The following AGO3 variants were observed in gnomAD, a reference collection of about 807,000 sequenced individuals.
AGO3 encodes the protein protein argonaute-3.
In AGO3, 16 loss-of-function variants were observed where a neutral mutation model predicts 105.5. The ratio of observed to expected loss-of-function variants is 0.15; its 90% CI spans 0.10 to 0.23. The LOEUF is 0.23. Among genes scored for constraint, AGO3 ranks in the 10% least tolerant of loss-of-function variants. The pLI, the probability that AGO3 is intolerant of heterozygous loss-of-function variation, is 1.00. For synonymous variants in AGO3, 340 were observed against 367.3 expected (o/e 0.93, Z 0.85); for missense variants, 534 against 1,088.0 (o/e 0.49, Z 7.16).
At chr1:36,004,222 A>G in intron 5 of AGO3, 119 bp from the exon 6 acceptor site, 1 of 1,091,152 alleles carries the variant, frequency 9.2e-7, no homozygotes, top group Non-Finnish European at 1.3e-6. Context: ...ATTTGTATGT[A>G]CATAAATGTG....
At position 36,060,373 on chromosome 1, in the gene AGO3, A is replaced by C. The variant is rs752944662; in HGVS notation, c.*4628A>C. 2 of 152,224 alleles carry C rather than the reference A, an allele frequency of 1.3e-5. No homozygotes were observed. The highest frequency in any genetic ancestry group is 2.9e-5 in the Non-Finnish European group (2 of 68,030). The allele number at this position is 152,224 out of a possible 1,614,324, so 9.4% of individuals were successfully genotyped here. ...GGCAGCGGATCTCTGTGTTCAAGGA[A>C]AGGGTGAGCGCTAAGCATGCCAGTG... On this transcript the variant is annotated 3_prime_UTR_variant, in exon 19 of 19. Coordinates refer to ENST00000373191, the MANE Select transcript of AGO3 (RefSeq NM_024852.4).
intron 1 of AGO3, 86 bp from the exon 2 acceptor site, chr1:35,945,606 C>A: frequency 7.3e-7 from 1 of 1,369,166 alleles, no homozygotes; most frequent in Non-Finnish European, 1.0e-6. Flanking sequence ...ATCAGCTGTA[C>A]TTATAATTCT....
chr1:35,963,672 TA>T (rs900249936), intron 2 of AGO3, among the ~76,000 whole-genome samples: 10 of 146,158 alleles, frequency 6.8e-5, no homozygotes, highest in Admixed American at 4.8e-4. Context: ...TGGGTTGGAG[TA>T]AAAAAAAAAC....
At chr1:36,003,293 C>T (rs1220607887) in intron 5 of AGO3, among the ~76,000 whole-genome samples, 4 of 151,990 alleles carry the variant, frequency 2.6e-5, no homozygotes, top group Admixed American at 6.6e-5. Context: ...ATCTGCTAAC[C>T]ATTGGTGAAA....
intron 5 of AGO3, among the ~76,000 whole-genome samples, chr1:35,992,587 G>A (rs184187607): frequency 1.5e-4 from 23 of 152,226 alleles, no homozygotes; most frequent in Admixed American, 4.6e-4. Flanking sequence ...GATGCTCATT[G>A]TTAATCTGCC....
intron 5 of AGO3, among the ~76,000 whole-genome samples, chr1:35,981,970 G>A (rs536698123): frequency 6.6e-6 from 1 of 152,022 alleles, no homozygotes; most frequent in Non-Finnish European, 1.5e-5. Context: ...GCATTTTTAG[G>A]TTTTTATTAT....
intron 2 of AGO3, among the ~76,000 whole-genome samples, chr1:35,954,780 C>A (rs888101523): frequency 1.3e-5 from 2 of 152,152 alleles, no homozygotes; most frequent in African/African-American, 4.8e-5. Flanking sequence ...GTAATGATTC[C>A]TGCCTTTGGG....
chr1:35,963,736 C>T (rs983351173), intron 2 of AGO3, among the ~76,000 whole-genome samples: 5 of 151,996 alleles, frequency 3.3e-5, no homozygotes, highest in Non-Finnish European at 5.9e-5. Flanking sequence ...GGACATGAGG[C>T]TTTTCTTTAG....
At chr1:36,047,191 C>T (rs1024307463) in intron 17 of AGO3, among the ~76,000 whole-genome samples, 22 of 151,532 alleles carry the variant, frequency 1.5e-4, no homozygotes, top group Admixed American at 2.6e-4. Flanking sequence ...TGCAGTGAGC[C>T]GAGATCACGC....
At chr1:36,015,242 G>C (rs1402088905) in intron 11 of AGO3, among the ~76,000 whole-genome samples, 4 of 152,156 alleles carry the variant, frequency 2.6e-5, no homozygotes, top group African/African-American at 9.7e-5. Context: ...TATTATAAAA[G>C]ATATTCCAAA....
At position 36,013,733 on chromosome 1, in the gene AGO3, T is replaced by C. The variant is rs1640736388; in HGVS notation, c.1253T>C (p.Met418Thr). The change falls in exon 10 of 19, where the codon ATG becomes ACG. Residue 418 changes from methionine to threonine, a missense_variant. Coordinates refer to ENST00000373191, the MANE Select transcript of AGO3 (RefSeq NM_024852.4). ...ACTGGACGCGTACTTCCAGCACCTATGCTCCAGTATGGAGGACGGGTAAAG... is the reference window on the plus strand; with the variant it reads ...ACTGGACGCGTACTTCCAGCACCTACGCTCCAGTATGGAGGACGGGTAAAG... ...HVTGRVLPAPMLQYGGRNRTV... is the reference protein window; with the variant it reads ...HVTGRVLPAPTLQYGGRNRTV... 2 of 1,614,170 alleles carry C rather than the reference T, an allele frequency of 1.2e-6. No individual in the cohort carries two copies. The highest frequency in any genetic ancestry group is 1.7e-6 in the Non-Finnish European group (2 of 1,179,988).
At chr1:35,932,071 A>G (rs1388500844) in intron 1 of AGO3, among the ~76,000 whole-genome samples, 3 of 152,208 alleles carry the variant, frequency 2.0e-5, no homozygotes, top group African/African-American at 4.8e-5. Context: ...TTCATTCTCT[A>G]TTCCTTAGAG....
At chr1:35,982,904 C>T in intron 5 of AGO3, 1 of 391,092 alleles carries the variant, frequency 2.6e-6, no homozygotes, top group Non-Finnish European at 4.6e-6. Flanking sequence ...ACAAGCCTGG[C>T]ATATCAGTCA....
chr1:36,030,924 T>C (rs982202238), intron 12 of AGO3, among the ~76,000 whole-genome samples: 2 of 152,252 alleles, frequency 1.3e-5, no homozygotes, highest in African/African-American at 4.8e-5. Flanking sequence ...TACTTTTAGG[T>C]AACATTATAC....
At chr1:36,037,620 T>G (rs1331610566) in intron 14 of AGO3, among the ~76,000 whole-genome samples, 1 of 152,220 alleles carries the variant, frequency 6.6e-6, no homozygotes, top group Non-Finnish European at 1.5e-5. Context: ...TCCCTGAAAA[T>G]GATAGTAATA....
At position 35,931,309 on chromosome 1, in the gene AGO3, C is replaced by T. The variant is rs1286603139; in HGVS notation, c.-118C>T. 2.1e-6 allele frequency: 2 copies of T among 965,548 alleles called. No homozygotes were observed. Among genetic ancestry groups the T allele is most frequent in the East Asian group, 3.3e-5 (1 of 30,414 alleles). 59.8% of individuals were successfully genotyped at this position (965,548 alleles called of 1,614,324 possible). On this transcript the variant is annotated 5_prime_UTR_variant, in exon 1 of 19. Transcript: ENST00000373191. ...TGCTCAGGGGAAGCCGTCGCCGCCC[C>T]CGCCTCGGGGCCGAGTGAGAGTGCC...
intron 3 of AGO3, among the ~76,000 whole-genome samples, chr1:35,968,344 T>G (rs1292096318): frequency 6.6e-6 from 1 of 152,174 alleles, no homozygotes; most frequent in Non-Finnish European, 1.5e-5. Context: ...TTAAGCACAT[T>G]TACATTGTTA....
At chr1:35,964,231 A>C (rs553235398) in intron 2 of AGO3, among the ~76,000 whole-genome samples, 2 of 152,076 alleles carry the variant, frequency 1.3e-5, no homozygotes, top group South Asian at 2.1e-4. Context: ...CCAGGTATTA[A>C]GCCTAGTACC....
At chr1:36,051,525 G>A (rs892366131) in intron 17 of AGO3, among the ~76,000 whole-genome samples, 2 of 152,002 alleles carry the variant, frequency 1.3e-5, no homozygotes, top group South Asian at 2.1e-4. Flanking sequence ...TTCAAGACAA[G>A]CCTGGGCAAC....
Sources: allele counts gnomAD v4.1 joint callset (sites outside exome capture counted in the v4.1 genomes callset), GRCh38; gene constraint gnomAD v4.1.1; transcripts MANE v1.5; gene names NCBI Gene and HGNC (gene_info 2026-07-23, HGNC 2026-07-21).